SLIT3: variants seen among roughly 807,000 people sequenced by gnomAD.
SLIT3 encodes slit homolog 3 protein.
A neutral mutation model predicts 184.0 loss-of-function variants in SLIT3; 68 were observed. The ratio of observed to expected loss-of-function variants is 0.37; its 90% CI spans 0.30 to 0.45. The LOEUF is 0.45. Ranked by LOEUF, SLIT3 falls within the 20% of genes least tolerant of loss-of-function variation. The pLI is 1.00. For missense variants in SLIT3, 1,707 were observed against 2,026.0 expected (o/e 0.84, Z 3.02); for synonymous variants, 831 against 828.6 (o/e 1.00, Z -0.05).
chr5:169,087,359 G>C (rs1258865681), intron 4 of SLIT3, among the ~76,000 whole-genome samples: 1 of 152,166 alleles, frequency 6.6e-6, no homozygotes, highest in African/African-American at 2.4e-5. Flanking sequence ...TAGGCCCAGG[G>C]CATTTGTAGG....
At chr5:168,821,361 C>T (rs1049215086) in intron 7 of SLIT3, among the ~76,000 whole-genome samples, 2 of 152,202 alleles carry the variant, frequency 1.3e-5, no homozygotes, top group African/African-American at 4.8e-5. Context: ...ACGGCTGATT[C>T]CTGCAGGTGA....
At position 168,722,262 on chromosome 5, in the gene SLIT3, C is replaced by T. The variant is rs1363615646; in HGVS notation, c.2477G>A (p.Arg826Gln). The stretch of plus-strand genomic sequence containing the variant: ...AGCACATTGGGGTACTCACAGCACT[C>T]GCAGGGACCGCAGCCCGTTGAAGGC... ...VHAFNGLRSL[R>Q]VLTLHGNDIS... The change falls in exon 23 of 36, where the codon CGA becomes CAA. Residue 826 changes from arginine to glutamine, a missense_variant. By Grantham distance (43) the Arg-to-Gln change is conservative (BLOSUM62 1). Around this residue, in one of 3 missense-constraint regions of SLIT3, gnomAD observed 1,307 missense variants for 1,511.6 expected, o/e 0.86. Coordinates refer to ENST00000519560, the MANE Select transcript of SLIT3 (RefSeq NM_003062.4). 9 of 1,613,972 alleles carry T rather than the reference C, an allele frequency of 5.6e-6. No homozygotes were observed. Among genetic ancestry groups the T allele is most frequent in the East Asian group, 2.2e-5 (1 of 44,872 alleles).
At chr5:169,253,907 A>G (rs571967645) in intron 1 of SLIT3, among the ~76,000 whole-genome samples, 1 of 152,234 alleles carries the variant, frequency 6.6e-6, no homozygotes, top group South Asian at 2.1e-4. Context: ...CCTTCGCAGC[A>G]TTTCTGTGAC....
At position 168,806,458 on chromosome 5, in the gene SLIT3, C is replaced by T. The variant is rs1756961879; in HGVS notation, c.923G>A (p.Gly308Asp). 1 of 1,614,220 alleles carries T rather than the reference C, an allele frequency of 6.2e-7. No individual in the cohort carries two copies. Among genetic ancestry groups the T allele is most frequent in the Non-Finnish European group, 8.5e-7 (1 of 1,180,024 alleles). The change falls in exon 9 of 36, where the codon GGC (glycine) becomes GAC (aspartate). Residue 308 changes from glycine to aspartate, a missense_variant. Around this residue, in one of 3 missense-constraint regions of SLIT3, gnomAD observed 1,307 missense variants for 1,511.6 expected, o/e 0.86. Transcript: ENST00000519560. ...LMEIPANLPE[G>D]IVEIRLEQNS... is the part of the protein sequence containing the mutation. Reference sequence around the variant, plus strand: ...CAGGTGCACTTACATTTCGACGATGCCCTCCGGCAAGTTGGCAGGAATCTC... The same window carrying T: ...CAGGTGCACTTACATTTCGACGATGTCCTCCGGCAAGTTGGCAGGAATCTC...
At chr5:168,922,456 CAAAAAAA>C (rs34132541) in intron 4 of SLIT3, among the ~76,000 whole-genome samples, 1 of 82,230 alleles carries the variant, frequency 1.2e-5, no homozygotes, top group African/African-American at 5.1e-5. Context: ...GACTCTGTCT[CAAAAAAA>C]AAAAAAAAAA....
chr5:169,120,243 T>G (rs367587406), intron 4 of SLIT3: 1 of 152,264 alleles, frequency 6.6e-6, no homozygotes. Context: ...GGGACCAAAT[T>G]TTCTAGGCCT....
intron 20 of SLIT3, among the ~76,000 whole-genome samples, chr5:168,744,559 G>T (rs1285311426): frequency 1.3e-5 from 2 of 152,148 alleles, no homozygotes. Context: ...TTCTTGTTAG[G>T]GGCCACTGCT....
intron 10 of SLIT3, among the ~76,000 whole-genome samples, chr5:168,794,692 C>T (rs10039201): frequency 0.034 from 5,196 of 152,250 alleles, 234 homozygotes; most frequent in African/African-American, 0.096. Context: ...GTCTGTACCA[C>T]GGTAAAGGAT....
intron 4 of SLIT3, among the ~76,000 whole-genome samples, chr5:169,021,043 G>A (rs1279349240): frequency 6.6e-6 from 1 of 152,196 alleles, no homozygotes; most frequent in Non-Finnish European, 1.5e-5. Flanking sequence ...CTGGCTTTCA[G>A]AACCTTCTAG....
Position 168,748,135 on chromosome 5 carries a change from T to G in SLIT3, c.2270+167A>C, listed in dbSNP as rs559742841. On this transcript the variant is annotated intron_variant, in intron 20 of 35. Transcript: ENST00000519560. ...CTGTGCCCTTGTCAAAGCCCATGGCTGCCATCTTGGTGAGGGCTCCACTGC... is the reference window on the plus strand; with the variant it reads ...CTGTGCCCTTGTCAAAGCCCATGGCGGCCATCTTGGTGAGGGCTCCACTGC... Among the ~76,000 whole-genome samples, 4 of 152,262 alleles carry G rather than the reference T, an allele frequency of 2.6e-5. No individual in the cohort carries two copies. In the East Asian group the frequency reaches 7.7e-4, roughly 29 times the overall value.
intron 4 of SLIT3, 56 bp downstream of exon 4, chr5:169,193,423 A>G (rs1233081043): frequency 6.9e-7 from 1 of 1,454,928 alleles, no homozygotes; most frequent in African/African-American, 1.4e-5. Context: ...CACATCCTCC[A>G]CATCACCCAA....
At chr5:168,755,441 C>G (rs529059932) in intron 16 of SLIT3, among the ~76,000 whole-genome samples, 2 of 83,520 alleles carry the variant, frequency 2.4e-5, no homozygotes, top group African/African-American at 7.5e-5. Flanking sequence ...TTCTTTCTTT[C>G]TTTCTTTTTG....
chr5:169,118,093 A>G (rs1043806994), intron 4 of SLIT3, among the ~76,000 whole-genome samples: 5 of 152,168 alleles, frequency 3.3e-5, no homozygotes, highest in African/African-American at 1.2e-4. Context: ...CGGGAGGATC[A>G]CTTGAGCCCA....
chr5:169,142,472 C>G (rs1761780350), intron 4 of SLIT3, among the ~76,000 whole-genome samples: 1 of 152,126 alleles, frequency 6.6e-6, no homozygotes, highest in Non-Finnish European at 1.5e-5. Flanking sequence ...TGGGTCACTG[C>G]CCACTGGATT....
At chr5:169,052,507 C>A (rs935732927) in intron 4 of SLIT3, among the ~76,000 whole-genome samples, 1 of 152,144 alleles carries the variant, frequency 6.6e-6, no homozygotes. Flanking sequence ...GGTTTTCCCC[C>A]TCAGGCAACA....
At chr5:168,806,703 G>T in intron 8 of SLIT3, 116 bp from the exon 9 acceptor site, 1 of 1,189,802 alleles carries the variant, frequency 8.4e-7, no homozygotes, top group Non-Finnish European at 1.2e-6. Context: ...TCTGAGAAAT[G>T]ATCACCAGCT....
intron 3 of SLIT3, among the ~76,000 whole-genome samples, chr5:169,225,071 T>A (rs1453620615): frequency 6.6e-6 from 1 of 152,220 alleles, no homozygotes; most frequent in Non-Finnish European, 1.5e-5. Context: ...AGAAAAGTAC[T>A]TCCTACTAAT....
chr5:169,116,013 A>C (rs1463103392), intron 4 of SLIT3, among the ~76,000 whole-genome samples: 3 of 152,182 alleles, frequency 2.0e-5, no homozygotes, highest in Non-Finnish European at 4.4e-5. Context: ...ACCAGTGACA[A>C]GTTCCCAGCT....
At chr5:168,763,302 G>A (rs1436244693) in intron 14 of SLIT3, among the ~76,000 whole-genome samples, 1 of 152,088 alleles carries the variant, frequency 6.6e-6, no homozygotes, top group Non-Finnish European at 1.5e-5. Context: ...CGAGGGTTGG[G>A]AACCTGGGGA....
Sources: allele counts gnomAD v4.1 joint callset (sites outside exome capture counted in the v4.1 genomes callset), GRCh38; gene constraint gnomAD v4.1.1; regional missense constraint gnomAD v4.1.1; transcripts MANE v1.5; gene names NCBI Gene and HGNC (gene_info 2026-07-23, HGNC 2026-07-21).